STK32C: variants seen among roughly 807,000 people sequenced by gnomAD.
STK32C encodes the protein serine/threonine kinase 32C, also known as serine/threonine-protein kinase 32C.
Under a neutral mutation model 56.5 loss-of-function variants are expected in STK32C, and 31 were observed. That is an observed-to-expected ratio of 0.55 (90% CI 0.41 to 0.74). The LOEUF is 0.74. STK32C is among the 30% of genes least tolerant of loss of function. STK32C has a pLI of 0.00. For missense variants in STK32C, 544 were observed against 676.9 expected (o/e 0.80, Z 2.18); for synonymous variants, 309 against 289.4 (o/e 1.07, Z -0.69).
chr10:132,237,232 GCC>G (rs1233287813), intron 2 of STK32C, among the ~76,000 whole-genome samples: 1 of 152,088 alleles, frequency 6.6e-6, no homozygotes, highest in African/African-American at 2.4e-5. Flanking sequence ...CACAGGCTGG[GCC>G]CCTCTGCCCT....
exon 1 of STK32C, chr10:132,331,477 C>T: frequency 6.2e-7 from 1 of 1,612,860 alleles, no homozygotes; most frequent in East Asian, 2.2e-5. Context: ...CAGAGGCAGC[C>T]TTACTTCTCC....
At chr10:132,259,246 T>A (rs1207104608) in intron 1 of STK32C, among the ~76,000 whole-genome samples, 1 of 152,240 alleles carries the variant, frequency 6.6e-6, no homozygotes, top group Non-Finnish European at 1.5e-5. Flanking sequence ...GGGTAAGATG[T>A]AACTTCCTGA....
chr10:132,234,326 G>A (rs970715245), intron 2 of STK32C, among the ~76,000 whole-genome samples: 5 of 152,256 alleles, frequency 3.3e-5, no homozygotes, highest in South Asian at 4.1e-4. Flanking sequence ...ATGCATCCCC[G>A]AGTTCTGGGA....
Position 132,232,892 on chromosome 10 carries a change from A to C in STK32C, c.319-4764T>G, listed in dbSNP as rs974623941. ...CCTGCAGCCATGTGACTGCCAATTC[A>C]ACCAAATGCTGTTTATGCATTTGGC... On this transcript the variant is annotated intron_variant, in intron 2 of 11. Transcript: ENST00000298630. 2.0e-5 allele frequency among the ~76,000 whole-genome samples: 3 copies of C among 152,278 alleles called. No individual in the cohort carries two copies. The South Asian group carries it at 6.2e-4, about 32-fold the overall frequency.
intron 1 of STK32C, among the ~76,000 whole-genome samples, chr10:132,261,912 A>C (rs2138073021): frequency 2.0e-5 from 3 of 152,330 alleles, no homozygotes; most frequent in East Asian, 3.9e-4. Context: ...TCAAACTACA[A>C]AGTCATTTTT....
upstream of STK32C, chr10:132,331,884 AC>A (rs762255503): frequency 2.4e-5 from 24 of 1,019,732 alleles, 1 homozygote; most frequent in East Asian, 6.4e-4. Context: ...CAGGCGCACC[AC>A]CCCCTGCCAC....
intron 1 of STK32C, among the ~76,000 whole-genome samples, chr10:132,278,644 C>T (rs181386302): frequency 3.3e-5 from 5 of 151,890 alleles, no homozygotes; most frequent in Non-Finnish European, 5.9e-5. Flanking sequence ...GCCTGTACTC[C>T]CAGCTGCTCA....
chr10:132,222,782 G>A lies in STK32C; in HGVS notation c.1120-10C>T, dbSNP rs1350398436. ...AGTGCAGACGGCCTTTCTACAGAGG[G>A]ATGGGTGCTGAGCCCCGGCCCGTGG... On this transcript the variant is annotated splice_polypyrimidine_tract_variant and intron_variant, in intron 9 of 11. Transcript: ENST00000298630. 6.3e-6 allele frequency: 10 copies of A among 1,596,368 alleles called. No homozygotes were observed. The highest frequency in any genetic ancestry group is 2.7e-5 in the African/African-American group (2 of 74,606).
intron 1 of STK32C, among the ~76,000 whole-genome samples, chr10:132,266,775 G>A (rs2064547774): frequency 6.6e-6 from 1 of 151,898 alleles, no homozygotes; most frequent in Non-Finnish European, 1.5e-5. Context: ...AATGCTCTCG[G>A]GGAGGAGGGC....
At chr10:132,221,150 A>C (rs577041085) in intron 10 of STK32C, among the ~76,000 whole-genome samples, 2 of 152,302 alleles carry the variant, frequency 1.3e-5, no homozygotes, top group African/African-American at 4.8e-5. Context: ...CCCCGCACAC[A>C]CAACCAAAGC....
intron 2 of STK32C, among the ~76,000 whole-genome samples, chr10:132,231,739 C>T (rs985739464): frequency 1.3e-5 from 2 of 152,214 alleles, no homozygotes; most frequent in Non-Finnish European, 2.9e-5. Flanking sequence ...GAGAAGATGA[C>T]GCAGGCATGG....
intron 10 of STK32C, among the ~76,000 whole-genome samples, chr10:132,210,490 C>T (rs908446784): frequency 2.2e-4 from 34 of 152,212 alleles, no homozygotes; most frequent in African/African-American, 7.7e-4. Context: ...TCAGGTGCTC[C>T]GCCTGCTTCG....
At chr10:132,276,491 C>T (rs2065001061) in intron 1 of STK32C, among the ~76,000 whole-genome samples, 1 of 152,172 alleles carries the variant, frequency 6.6e-6, no homozygotes, top group South Asian at 2.1e-4. Context: ...ACACTCAGAG[C>T]ACAAAAGGGG....
upstream of STK32C, chr10:132,307,975 T>A (rs1206556969): frequency 1.3e-5 from 13 of 986,788 alleles, no homozygotes; most frequent in Non-Finnish European, 1.6e-5. The surrounding 1 kb of genome is among the most constrained non-coding windows in gnomAD (Gnocchi z 4.4). Context: ...GCCCCGTAGA[T>A]TGCGAGCGCT....
At chr10:132,296,983 A>G (rs1411393234) in intron 1 of STK32C, among the ~76,000 whole-genome samples, 1 of 152,240 alleles carries the variant, frequency 6.6e-6, no homozygotes. Flanking sequence ...GGAGGCGGAC[A>G]TCGCCACAGA....
intron 10 of STK32C, among the ~76,000 whole-genome samples, chr10:132,218,682 G>A (rs968695079): frequency 5.9e-5 from 9 of 152,112 alleles, no homozygotes; most frequent in South Asian, 2.1e-4. Context: ...ATGACCCAGC[G>A]GGTTCATGCC....
At chr10:132,316,321 A>G (rs1160155544) in intron 1 of STK32C, among the ~76,000 whole-genome samples, 1 of 152,144 alleles carries the variant, frequency 6.6e-6, no homozygotes, top group Non-Finnish European at 1.5e-5. Flanking sequence ...ATAAAAAGTT[A>G]AAAAAATAAG....
intron 1 of STK32C, among the ~76,000 whole-genome samples, chr10:132,280,166 C>CTGCA (rs758409442): frequency 1.5e-4 from 22 of 150,120 alleles, no homozygotes; most frequent in Non-Finnish European, 3.0e-4. Context: ...GATCACGCCC[C>CTGCA]TGCACTCCGT....
At chr10:132,228,163 AGGACGCCTGG>A (rs754734741) in intron 2 of STK32C, 35 bp from the exon 3 acceptor site, 10 of 1,612,978 alleles carry the variant, frequency 6.2e-6, no homozygotes, top group African/African-American at 4.0e-5. Context: ...AGGACGCCTG[AGGACGCCTGG>A]GGACACGTGG....
Sources: allele counts gnomAD v4.1 joint callset (sites outside exome capture counted in the v4.1 genomes callset), GRCh38; gene constraint gnomAD v4.1.1; non-coding constraint Gnocchi (gnomAD v3.1); transcripts MANE v1.5; gene names NCBI Gene and HGNC (gene_info 2026-07-23, HGNC 2026-07-21).